Variants in KSR2 observed in about 807,000 individuals in gnomAD.
KSR2 encodes the protein kinase suppressor of ras 2.
KSR2 carries 25 observed loss-of-function variants against 107.8 expected under a neutral mutation model. That is an observed-to-expected ratio of 0.23 (90% CI 0.17 to 0.32). The LOEUF (loss-of-function observed/expected upper bound fraction) is 0.32. Among genes scored for constraint, KSR2 ranks in the 10% least tolerant of loss-of-function variants. The pLI is 1.00. For missense variants in KSR2, 887 were observed against 1,268.9 expected (o/e 0.70, Z 4.57); for synonymous variants, 480 against 507.0 (o/e 0.95, Z 0.71).
At chr12:117,691,810 A>G (rs1262675356) in intron 4 of KSR2, among the ~76,000 whole-genome samples, 1 of 152,246 alleles carries the variant, frequency 6.6e-6, no homozygotes, top group Non-Finnish European at 1.5e-5. Context: ...AGAAGTGTTC[A>G]TGTCTCCTGA....
chr12:117,711,013 A>G (rs11068640), intron 4 of KSR2, among the ~76,000 whole-genome samples: 27,523 of 151,982 alleles, frequency 0.18, 3,183 homozygotes, highest in East Asian at 0.6. Flanking sequence ...CAGAGACACC[A>G]TCTCCAACCA....
At chr12:117,573,984 A>G (rs1401731525) in intron 7 of KSR2, among the ~76,000 whole-genome samples, 1 of 152,134 alleles carries the variant, frequency 6.6e-6, no homozygotes, top group Non-Finnish European at 1.5e-5. Flanking sequence ...ACTTACACAA[A>G]CATCTCACAT....
chr12:117,535,119 C>G (rs766868556), intron 10 of KSR2, among the ~76,000 whole-genome samples: 22 of 152,274 alleles, frequency 1.4e-4, no homozygotes, highest in Non-Finnish European at 1.9e-4. Context: ...AAACCTAGTG[C>G]CTAGTACAGT....
intron 10 of KSR2, among the ~76,000 whole-genome samples, chr12:117,536,670 T>C (rs1311869807): frequency 6.6e-6 from 1 of 151,458 alleles, no homozygotes; most frequent in East Asian, 1.9e-4. Context: ...AGAAACATTA[T>C]GGATATCTTT....
intron 1 of KSR2, among the ~76,000 whole-genome samples, chr12:117,863,011 G>A (rs1176528078): frequency 1.3e-5 from 2 of 152,138 alleles, no homozygotes; most frequent in Non-Finnish European, 2.9e-5. Context: ...TTACAGGCGT[G>A]AGCCACCGCA....
In KSR2 at chr12:117,462,315, G is replaced by A. The variant is rs1870940517; in HGVS notation, c.*4884C>T. The A allele has an allele frequency of 6.7e-6, 1 of 148,492 alleles. No homozygotes were observed. The highest frequency in any genetic ancestry group is 6.8e-5 in the Admixed American group (1 of 14,802). 9.2% of individuals were successfully genotyped at this position (148,492 alleles called of 1,614,324 possible). A position where few individuals can be genotyped will look rare whatever the true frequency, so the allele number is the denominator to read the frequency against. On this transcript the variant is annotated 3_prime_UTR_variant, in exon 20 of 20. Coordinates refer to ENST00000339824, the MANE Select transcript of KSR2 (RefSeq NM_173598.6). ...CAGAATGAGACTTCATTTGGAGAGA[G>A]GGTCTTTGCAGATATAATTAGTTAA...
chr12:117,711,223 A>G (rs1462399055), intron 4 of KSR2, among the ~76,000 whole-genome samples: 1 of 152,244 alleles, frequency 6.6e-6, no homozygotes, highest in Non-Finnish European at 1.5e-5. Flanking sequence ...CTCACGTGCC[A>G]TTAAGGAAAC....
chr12:117,794,069 CA>C (rs1890455546), intron 3 of KSR2, among the ~76,000 whole-genome samples: 5 of 124,756 alleles, frequency 4.0e-5, no homozygotes, highest in Non-Finnish European at 6.3e-5. Context: ...AACATGCACA[CA>C]TACACCAACA....
chr12:117,502,547 G>A (rs751187169), intron 14 of KSR2, among the ~76,000 whole-genome samples: 4 of 152,168 alleles, frequency 2.6e-5, no homozygotes, highest in East Asian at 1.9e-4. Flanking sequence ...AATCGATTCC[G>A]TTTTTTTGAG....
chr12:117,515,347 G>C (rs1334599454), intron 14 of KSR2, among the ~76,000 whole-genome samples: 1 of 152,148 alleles, frequency 6.6e-6, no homozygotes, highest in Non-Finnish European at 1.5e-5. Flanking sequence ...GTGATTCTAA[G>C]TAAATAGCAC....
chr12:117,491,464 G>A (rs1486705137), intron 14 of KSR2, among the ~76,000 whole-genome samples: 1 of 152,168 alleles, frequency 6.6e-6, no homozygotes, highest in African/African-American at 2.4e-5. Flanking sequence ...ACAGGCCTGA[G>A]CCACTGCCCC....
chr12:117,633,274 T>C (rs1459811037), intron 5 of KSR2, among the ~76,000 whole-genome samples: 1 of 152,186 alleles, frequency 6.6e-6, no homozygotes, highest in African/African-American at 2.4e-5. Flanking sequence ...GTTCCACTTC[T>C]CTCCGCTGAG....
chr12:117,500,026 G>A (rs755437351), intron 14 of KSR2, among the ~76,000 whole-genome samples: 48 of 152,300 alleles, frequency 3.2e-4, no homozygotes, highest in Middle Eastern at 3.4e-3. Flanking sequence ...TCCGTTGCTT[G>A]GTGAAGGAGA....
At chr12:117,663,976 C>T (rs1884544823) in intron 5 of KSR2, among the ~76,000 whole-genome samples, 1 of 152,180 alleles carries the variant, frequency 6.6e-6, no homozygotes, top group Non-Finnish European at 1.5e-5. Flanking sequence ...AAGTCCACTG[C>T]TCTCTATTTC....
chr12:117,582,113 G>A (rs545551443), intron 6 of KSR2, among the ~76,000 whole-genome samples, 177 bp downstream of exon 6: 2 of 152,332 alleles, frequency 1.3e-5, no homozygotes, highest in South Asian at 4.1e-4. Flanking sequence ...AGAAGCAGAT[G>A]TCTCAGTCTC....
intron 12 of KSR2, among the ~76,000 whole-genome samples, chr12:117,529,834 C>T (rs1471186060): frequency 1.9e-5 from 2 of 104,398 alleles, no homozygotes; most frequent in Non-Finnish European, 4.4e-5. Context: ...GAATCCCTGT[C>T]TCTACAAAAA....
At chr12:117,789,243 G>A (rs186154437) in intron 3 of KSR2, among the ~76,000 whole-genome samples, 212 of 152,266 alleles carry the variant, frequency 1.4e-3, no homozygotes, top group Non-Finnish European at 2.3e-3. Flanking sequence ...CTTCTGTAAG[G>A]CAAAAGAGAA....
chr12:117,679,355 A>G (rs1045884094), intron 4 of KSR2, among the ~76,000 whole-genome samples: 5 of 152,152 alleles, frequency 3.3e-5, no homozygotes, highest in African/African-American at 9.7e-5. Flanking sequence ...TACCCATTTC[A>G]TAGATGGGGA....
At chr12:117,762,355 C>T (rs1272508074) in intron 3 of KSR2, among the ~76,000 whole-genome samples, 1 of 152,180 alleles carries the variant, frequency 6.6e-6, no homozygotes, top group Non-Finnish European at 1.5e-5. Context: ...AGATCTGTGT[C>T]GCCATGTTCT....
Sources: allele counts gnomAD v4.1 joint callset (sites outside exome capture counted in the v4.1 genomes callset), GRCh38; gene constraint gnomAD v4.1.1; transcripts MANE v1.5; gene names NCBI Gene and HGNC (gene_info 2026-07-23, HGNC 2026-07-21).